Variants in OSBPL10 observed in about 807,000 individuals in gnomAD.
OSBPL10 encodes the protein oxysterol binding protein like 10.
A neutral mutation model predicts 81.7 loss-of-function variants in OSBPL10; 49 were observed. The observed-to-expected ratio is 0.60, with a 90% CI of 0.48 to 0.76. The LOEUF is 0.76. Ranked by LOEUF, OSBPL10 falls within the 30% of genes least tolerant of loss-of-function variation. The probability of loss-of-function intolerance (pLI) is 0.00; values close to 1 mark genes in which losing one functional copy is unlikely to be tolerated. For missense variants in OSBPL10, 923 were observed against 987.8 expected, an observed-to-expected ratio of 0.93 and a Z score of 0.88; for synonymous variants, 419 against 383.6, an observed-to-expected ratio of 1.09 and a Z score of -1.08.
At chr3:32,066,602 G>T (rs1367096286) in intron 1 of OSBPL10, 2 of 152,206 alleles carry the variant, frequency 1.3e-5, no homozygotes, top group Non-Finnish European at 2.9e-5. Flanking sequence ...TGCCAGAAAA[G>T]TCTGCCATGC....
intron 2 of OSBPL10, among the ~76,000 whole-genome samples, chr3:32,027,021 C>CT (rs373159190): frequency 7.2e-5 from 11 of 151,816 alleles, no homozygotes; most frequent in African/African-American, 2.4e-4. Flanking sequence ...TCATTTATTA[C>CT]TTTTTTTTTC....
At chr3:32,021,175 G>A (rs545062644) in intron 2 of OSBPL10, among the ~76,000 whole-genome samples, 47 of 152,220 alleles carry the variant, frequency 3.1e-4, no homozygotes, top group African/African-American at 1.1e-3. Flanking sequence ...GGTGTACTGT[G>A]GGTTAAGACC....
chr3:31,799,715 C>T (rs939927784), intron 4 of OSBPL10, among the ~76,000 whole-genome samples: 4 of 152,144 alleles, frequency 2.6e-5, no homozygotes, highest in African/African-American at 9.7e-5. Flanking sequence ...TCACAAAAAT[C>T]GTAAGCAGCA....
chr3:31,739,933 T>C (rs931940845), intron 5 of OSBPL10, among the ~76,000 whole-genome samples: 1 of 152,242 alleles, frequency 6.6e-6, no homozygotes, highest in African/African-American at 2.4e-5. Flanking sequence ...CTGAACTTCA[T>C]CTTTTTATCT....
At chr3:31,975,224 G>A (rs1332917597) in intron 1 of OSBPL10, among the ~76,000 whole-genome samples, 2 of 152,120 alleles carry the variant, frequency 1.3e-5, no homozygotes, top group African/African-American at 4.8e-5. Flanking sequence ...AATGAAACTA[G>A]TTAGTGTCCC....
intron 1 of OSBPL10, among the ~76,000 whole-genome samples, chr3:32,057,125 G>A (rs1699718534): frequency 6.6e-6 from 1 of 152,164 alleles, no homozygotes; most frequent in Non-Finnish European, 1.5e-5. Context: ...CTCATTTCCT[G>A]CAAAATTCAT....
At chr3:31,916,380 T>C (rs1475215434) in intron 1 of OSBPL10, among the ~76,000 whole-genome samples, 1 of 152,216 alleles carries the variant, frequency 6.6e-6, no homozygotes, top group Admixed American at 6.5e-5. Flanking sequence ...AATTGGGTGA[T>C]TTGGCAAGTG....
intron 4 of OSBPL10, among the ~76,000 whole-genome samples, chr3:31,790,879 C>T (rs771196122): frequency 6.6e-6 from 1 of 152,192 alleles, no homozygotes; most frequent in Non-Finnish European, 1.5e-5. Context: ...GTCGGAAAGC[C>T]AGATGGTACA....
At chr3:31,734,270 CA>C (rs1270725997) in intron 5 of OSBPL10, among the ~76,000 whole-genome samples, 1 of 152,122 alleles carries the variant, frequency 6.6e-6, no homozygotes, top group African/African-American at 2.4e-5. Flanking sequence ...TCCAGCAAAC[CA>C]AAAACCATTT....
At chr3:31,875,561 A>AG (rs1255354851) in intron 3 of OSBPL10, among the ~76,000 whole-genome samples, 2 of 151,974 alleles carry the variant, frequency 1.3e-5, no homozygotes, top group South Asian at 2.1e-4. Flanking sequence ...TCTTTAAAAA[A>AG]AAAAAAAAAA....
intron 4 of OSBPL10, among the ~76,000 whole-genome samples, chr3:31,825,841 T>C (rs1362021979): frequency 1.3e-5 from 2 of 152,216 alleles, no homozygotes; most frequent in Non-Finnish European, 2.9e-5. Context: ...GGAACCACTG[T>C]CTTAAACAAC....
At chr3:31,706,044 A>G (rs1239150809) in intron 6 of OSBPL10, among the ~76,000 whole-genome samples, 1 of 152,234 alleles carries the variant, frequency 6.6e-6, no homozygotes, top group Non-Finnish European at 1.5e-5. Flanking sequence ...GGCTTTGGAA[A>G]AATGAGGATT....
chr3:31,926,291 C>CCCCCCT (rs962870716), intron 1 of OSBPL10, among the ~76,000 whole-genome samples: 1 of 142,792 alleles, frequency 7.0e-6, no homozygotes, highest in African/African-American at 2.7e-5. Flanking sequence ...GTGATTTTGC[C>CCCCCCT]CCCCCAGAGG....
At chr3:31,731,012 T>C (rs1412717657) in intron 6 of OSBPL10, among the ~76,000 whole-genome samples, 1 of 152,210 alleles carries the variant, frequency 6.6e-6, no homozygotes, top group Non-Finnish European at 1.5e-5. Flanking sequence ...CTTCATTCTA[T>C]ATAGAAGTTA....
At chr3:31,777,844 G>A (rs1237504587) in intron 4 of OSBPL10, among the ~76,000 whole-genome samples, 1 of 152,230 alleles carries the variant, frequency 6.6e-6, no homozygotes, top group Non-Finnish European at 1.5e-5. Context: ...AGTGAGAAGA[G>A]CCTTTTAGGC....
chr3:31,974,514 A>C (rs1698642662), intron 1 of OSBPL10, among the ~76,000 whole-genome samples: 1 of 152,196 alleles, frequency 6.6e-6, no homozygotes, highest in African/African-American at 2.4e-5. Context: ...ACAATAGACA[A>C]ATGTGTTCAG....
At chr3:31,868,027 G>A (rs1701225880) in intron 3 of OSBPL10, among the ~76,000 whole-genome samples, 2 of 151,888 alleles carry the variant, frequency 1.3e-5, no homozygotes, top group South Asian at 2.1e-4. Flanking sequence ...AAAACAAAAC[G>A]TGTACAAGTT....
chr3:31,750,725 T>C (rs1697686050), intron 4 of OSBPL10, among the ~76,000 whole-genome samples: 1 of 152,136 alleles, frequency 6.6e-6, no homozygotes, highest in African/African-American at 2.4e-5. Context: ...TGAAACATGA[T>C]GCATTATGTT....
intron 4 of OSBPL10, among the ~76,000 whole-genome samples, chr3:31,784,777 TC>T (rs1377832983): frequency 6.7e-6 from 1 of 149,558 alleles, no homozygotes; most frequent in African/African-American, 2.5e-5. Flanking sequence ...GAGATGGGGT[TC>T]CACCACGTTG....
Sources: gnomAD v4.1 joint callset for allele counts (sites outside exome capture counted in the v4.1 genomes callset) on GRCh38, gnomAD v4.1.1 for gene constraint, MANE v1.5 for transcripts, NCBI Gene and HGNC (gene_info 2026-07-23, HGNC 2026-07-21) for gene names.